The following FKBP15 variants were observed in gnomAD, a reference collection of about 807,000 sequenced individuals.
The protein encoded by FKBP15 is FKBP prolyl isomerase family member 15, also known as FK506-binding protein 15.
FKBP15 carries 106 observed loss-of-function variants against 158.1 expected under a neutral mutation model. The ratio of observed to expected loss-of-function variants is 0.67; its 90% CI spans 0.57 to 0.79. FKBP15 has a LOEUF of 0.79. Ranked by LOEUF, FKBP15 falls within the 30% of genes least tolerant of loss-of-function variation. The probability of loss-of-function intolerance (pLI) is 0.00; values close to 1 mark genes in which losing one functional copy is unlikely to be tolerated. For missense variants in FKBP15, 1,287 were observed against 1,479.1 expected (o/e 0.87, Z 2.13); for synonymous variants, 547 against 548.6 (o/e 1.00, Z 0.04).
chr9:113,212,876 GC>G (rs1401090639), intron 1 of FKBP15, among the ~76,000 whole-genome samples: 1 of 152,094 alleles, frequency 6.6e-6, no homozygotes, highest in Non-Finnish European at 1.5e-5. Flanking sequence ...CCCAGAACTT[GC>G]TCTTGAGTGC....
At chr9:113,194,444 A>AT (rs1415261846) in intron 9 of FKBP15, among the ~76,000 whole-genome samples, 8 of 128,702 alleles carry the variant, frequency 6.2e-5, no homozygotes, top group African/African-American at 1.9e-4. Flanking sequence ...TAAATAATAA[A>AT]TAAATTAAAA....
At chr9:113,180,467 G>T (rs1407106633) in intron 19 of FKBP15, among the ~76,000 whole-genome samples, 2 of 149,900 alleles carry the variant, frequency 1.3e-5, no homozygotes, top group Non-Finnish European at 3.0e-5. Flanking sequence ...TTAAGGTCAG[G>T]GTATAATCAA....
At position 113,199,903 on chromosome 9, in the gene FKBP15, T is replaced by C. The variant is rs776185653; in HGVS notation, c.559A>G (p.Ile187Val). 9.9e-6 allele frequency: 16 copies of C among 1,613,444 alleles called. No individual in the cohort carries two copies. The highest frequency in any genetic ancestry group is 1.4e-5 in the Non-Finnish European group (16 of 1,179,724). ...SLDAVLSQDL[I>V]VADGPAVEVG... ...TCTACAGCAGGGCCGTCTGCCACAA[T>C]GAGGTCCTGGGAGAGCACTGCATCC... The change falls in exon 7 of 28, where the codon ATT becomes GTT. Residue 187 changes from isoleucine to valine, a missense_variant. Coordinates refer to ENST00000238256, the MANE Select transcript of FKBP15 (RefSeq NM_015258.2).
chr9:113,204,830 T>G (rs1307605108), intron 4 of FKBP15, among the ~76,000 whole-genome samples: 3 of 152,250 alleles, frequency 2.0e-5, no homozygotes, highest in Non-Finnish European at 4.4e-5. Context: ...TTATAGATTC[T>G]AACTTTTTAA....
At chr9:113,174,654 A>G (rs2118870779) in intron 21 of FKBP15, 71 bp from the exon 22 acceptor site, 34 of 1,474,718 alleles carry the variant, frequency 2.3e-5, no homozygotes, top group Non-Finnish European at 3.1e-5. Context: ...TGGCGGTGGC[A>G]GTTAATTACC....
chr9:113,201,566 G>A (rs1419243086), intron 6 of FKBP15, among the ~76,000 whole-genome samples: 3 of 152,112 alleles, frequency 2.0e-5, no homozygotes, highest in African/African-American at 7.2e-5. Context: ...TGGGATTAGG[G>A]ACCTTATTAA....
chr9:113,182,322 G>A (rs1830413663), intron 19 of FKBP15, among the ~76,000 whole-genome samples: 1 of 152,154 alleles, frequency 6.6e-6, no homozygotes, highest in Non-Finnish European at 1.5e-5. Flanking sequence ...ACTACTTACT[G>A]CTACTGCAGG....
intron 13 of FKBP15, 79 bp downstream of exon 13, chr9:113,188,310 C>T: frequency 9.1e-7 from 1 of 1,098,860 alleles, no homozygotes; most frequent in Non-Finnish European, 1.4e-6. Flanking sequence ...ACAATGCAGC[C>T]TAACAGTTTA....
intron 7 of FKBP15, 31 bp downstream of exon 7, chr9:113,199,783 A>T: frequency 6.3e-7 from 1 of 1,599,858 alleles, no homozygotes; most frequent in South Asian, 1.1e-5. Flanking sequence ...ATATAAGTTT[A>T]CAAAAGAACT....
intron 6 of FKBP15, 104 bp downstream of exon 6, chr9:113,202,427 T>A: frequency 3.6e-6 from 3 of 828,162 alleles, no homozygotes; most frequent in Non-Finnish European, 5.6e-6. Flanking sequence ...TGCTAGTCAC[T>A]AACAAAACAC....
intron 1 of FKBP15, among the ~76,000 whole-genome samples, chr9:113,216,083 G>GAAAAAAAAAA (rs71491081): frequency 2.3e-5 from 2 of 85,976 alleles, no homozygotes; most frequent in African/African-American, 4.4e-5. Context: ...TTTATTTTGT[G>GAAAAAAAAAA]AAAAAAAAAA....
intron 1 of FKBP15, 60 bp downstream of exon 1, chr9:113,221,131 C>T: frequency 2.0e-6 from 3 of 1,531,698 alleles, no homozygotes; most frequent in South Asian, 1.2e-5. Flanking sequence ...CGACCCCCCT[C>T]CAACAATCCG....
chr9:113,180,996 G>A (rs1309648290), intron 19 of FKBP15, among the ~76,000 whole-genome samples: 2 of 152,150 alleles, frequency 1.3e-5, no homozygotes, highest in African/African-American at 4.8e-5. Context: ...TAAGTGAGAA[G>A]TGGATCAAAA....
chr9:113,168,659 G>T, intron 26 of FKBP15, 103 bp from the exon 27 acceptor site: 1 of 923,796 alleles, frequency 1.1e-6, no homozygotes. Flanking sequence ...ATTCAACAGC[G>T]TTGGTGACTG....
chr9:113,184,525 T>A lies in FKBP15; in HGVS notation c.1609-126A>T. 1.1e-6 allele frequency: 1 copy of A among 940,002 alleles called. No individual in the cohort carries two copies. Among genetic ancestry groups the A allele is most frequent in the Non-Finnish European group, 1.7e-6 (1 of 605,344 alleles). 58.2% of individuals were successfully genotyped at this position (940,002 alleles called of 1,614,324 possible). On this transcript the variant is annotated intron_variant, in intron 16 of 27. Coordinates refer to ENST00000238256, the MANE Select transcript of FKBP15 (RefSeq NM_015258.2). This position sits in a 1 kb window ranked among gnomAD's most constrained non-coding sequence, Gnocchi z 4.5. The stretch of plus-strand genomic sequence containing the variant: ...CTGGGACAATCTCTAACTGTTAAGT[T>A]AGAGTTTTCTCCTACTAACTGGATC...
At position 113,194,026 on chromosome 9, in the gene FKBP15, C is replaced by A. The variant is rs908335997; in HGVS notation, c.1007+1G>T. ...AGCTTGATACAACTGCAGTATCTTA[C>A]CCTGATTTGAAAGGTATTGATGTGG... On this transcript the variant is annotated splice_donor_variant, in intron 10 of 27. Transcript: ENST00000238256. LOFTEE classifies it high-confidence loss of function. The A allele has an allele frequency of 8.7e-6, 14 of 1,608,762 alleles. No homozygotes were observed. The highest frequency in any genetic ancestry group is 1.1e-5 in the Non-Finnish European group (13 of 1,176,778).
chr9:113,166,278 CAG>C, intron 27 of FKBP15, 123 bp from the exon 28 acceptor site: 1 of 835,834 alleles, frequency 1.2e-6, no homozygotes, highest in East Asian at 2.7e-5. Context: ...GTTGTACTGA[CAG>C]GGCCAACTCT....
chr9:113,168,315 C>T, intron 27 of FKBP15, 145 bp downstream of exon 27: 1 of 664,636 alleles, frequency 1.5e-6, no homozygotes, highest in Non-Finnish European at 2.6e-6. Flanking sequence ...CCTCCCAGCC[C>T]AGCCCCAAGC....
intron 4 of FKBP15, 115 bp downstream of exon 4, chr9:113,206,394 C>A: frequency 2.6e-6 from 2 of 781,350 alleles, no homozygotes; most frequent in Non-Finnish European, 2.2e-6. Context: ...ACATTCAATA[C>A]AAATAATCAT....
Sources: allele counts gnomAD v4.1 joint callset (sites outside exome capture counted in the v4.1 genomes callset), GRCh38; gene constraint gnomAD v4.1.1; non-coding constraint Gnocchi (gnomAD v3.1); transcripts MANE v1.5; gene names NCBI Gene and HGNC (gene_info 2026-07-23, HGNC 2026-07-21).